Variants in RLF observed in about 807,000 individuals in gnomAD.
RLF encodes RLF zinc finger, also known as zinc finger protein Rlf.
In RLF, 7 loss-of-function variants were observed where a neutral mutation model predicts 162.9. The ratio of observed to expected loss-of-function variants is 0.04; its 90% confidence interval spans 0.02 to 0.08. The LOEUF (loss-of-function observed/expected upper bound fraction) is 0.08. RLF is among the 10% of genes least tolerant of loss of function. The pLI is 1.00. For missense variants in RLF, 1,664 were observed against 2,244.7 expected (o/e 0.74, Z 5.23); for synonymous variants, 782 against 791.5 (o/e 0.99, Z 0.20).
chr1:40,213,343 A>G (rs928002641), intron 5 of RLF, among the ~76,000 whole-genome samples: 5 of 152,208 alleles, frequency 3.3e-5, no homozygotes, highest in African/African-American at 1.2e-4. Context: ...TCGATCAGAC[A>G]TATTGTCAAG....
chr1:40,196,481 G>A (rs797000946), intron 4 of RLF, among the ~76,000 whole-genome samples: 2 of 151,890 alleles, frequency 1.3e-5, no homozygotes, highest in African/African-American at 2.4e-5. Flanking sequence ...GAGATGCAAA[G>A]AATGAAGTTT....
At chr1:40,218,510 C>T (rs911505796) in intron 5 of RLF, among the ~76,000 whole-genome samples, 6 of 152,312 alleles carry the variant, frequency 3.9e-5, no homozygotes, top group Admixed American at 1.3e-4. Context: ...CGTGACATCA[C>T]GCATTGCCGT....
chr1:40,202,439 C>G lies in RLF; in HGVS notation c.635C>G (p.Pro212Arg). Reference protein sequence around the residue: ...EVNKLIAQEGPSFLQMRIKHL... With the variant: ...EVNKLIAQEGRSFLQMRIKHL... ...AATAAATTGATTGCACAAGAAGGAC[C>G]TTCCTTTCTGCAAATGCGAATAAAA... is the stretch of plus-strand genomic sequence containing the variant. Residue 212 changes from proline to arginine, a missense_variant, in exon 5 of 8, where the codon CCT becomes CGT. Transcript: ENST00000372771. The G allele has an allele frequency of 6.3e-7, 1 of 1,575,208 alleles. No individual in the cohort carries two copies. Among genetic ancestry groups the G allele is most frequent in the Non-Finnish European group, 8.6e-7 (1 of 1,167,904 alleles).
chr1:40,172,361 A>G (rs959709645), intron 1 of RLF, among the ~76,000 whole-genome samples: 1 of 152,196 alleles, frequency 6.6e-6, no homozygotes, highest in Admixed American at 6.5e-5. Flanking sequence ...ACCCTTTATG[A>G]GTACATTTGG....
At chr1:40,231,700 A>G in intron 7 of RLF, 42 bp downstream of exon 7, 1 of 1,546,960 alleles carries the variant, frequency 6.5e-7, no homozygotes, top group Non-Finnish European at 8.8e-7. Context: ...AGCTGGAGGA[A>G]AGAAATGAGT....
chr1:40,167,087 T>C (rs984714452), intron 1 of RLF, among the ~76,000 whole-genome samples: 3 of 152,234 alleles, frequency 2.0e-5, no homozygotes, highest in Admixed American at 2.0e-4. Context: ...AATCTAAGCC[T>C]ACATTCATAT....
At chr1:40,231,959 G>C (rs181683967) in intron 7 of RLF, among the ~76,000 whole-genome samples, 1 of 152,344 alleles carries the variant, frequency 6.6e-6, no homozygotes, top group East Asian at 1.9e-4. Flanking sequence ...TGTAATCCCA[G>C]CACTTTGGGA....
At chr1:40,200,297 A>G (rs1262162741) in intron 4 of RLF, among the ~76,000 whole-genome samples, 5 of 152,234 alleles carry the variant, frequency 3.3e-5, no homozygotes, top group Non-Finnish European at 7.3e-5. Flanking sequence ...GCAGTTTGGC[A>G]GTATGAGTCA....
chr1:40,187,819 G>T (rs1642502083), intron 1 of RLF, among the ~76,000 whole-genome samples: 1 of 152,140 alleles, frequency 6.6e-6, no homozygotes, highest in Middle Eastern at 3.2e-3. Context: ...AAATCCAGCA[G>T]AATCCTGCGC....
In RLF at chr1:40,240,372, A is replaced by G. The variant is rs781359799; in HGVS notation, c.5670A>G (p.Arg1890=). 17 of 1,614,176 alleles carry G rather than the reference A, an allele frequency of 1.1e-5. No individual in the cohort carries two copies. The highest frequency in any genetic ancestry group is 1.4e-5 in the Non-Finnish European group (17 of 1,180,024). The change falls in exon 8 of 8, where the codon AGA becomes AGG. Residue 1890 remains arginine, a synonymous_variant. Transcript: ENST00000372771. ...HYLRPVVVLE[R]SKFSTPILDL... is the part of the protein sequence containing the mutation. ...TTCGGCCAGTGGTGGTTCTTGAAAG[A>G]TCTAAGTTTTCCACACCAATTTTAG...
In RLF at chr1:40,236,124, T is replaced by G. The variant is rs1487311889; in HGVS notation, c.1422T>G (p.Thr474=). Residue 474 remains threonine, a synonymous_variant, in exon 8 of 8, where the codon ACT becomes ACG. Transcript: ENST00000372771. The surrounding 1 kb of genome is among the most constrained non-coding windows in gnomAD (Gnocchi z 7.7). Reference sequence around the variant, plus strand: ...ATCCTGAGTTTTGGGACTGGAAAACTTTAAAACGACACTGCCACCAACTTT... The same window carrying G: ...ATCCTGAGTTTTGGGACTGGAAAACGTTAAAACGACACTGCCACCAACTTT... ...PFDPEFWDWK[T]LKRHCHQLLG... 6.2e-7 allele frequency: 1 copy of G among 1,614,134 alleles called. No individual in the cohort carries two copies. The highest frequency in any genetic ancestry group is 1.3e-5 in the African/African-American group (1 of 75,056).
chr1:40,175,198 G>A (rs186424217), intron 1 of RLF, among the ~76,000 whole-genome samples: 17 of 141,590 alleles, frequency 1.2e-4, no homozygotes, highest in African/African-American at 4.3e-4. Context: ...TTCTGTTATG[G>A]TGGGGGTGGG....
intron 6 of RLF, among the ~76,000 whole-genome samples, chr1:40,229,642 A>G (rs370634204): frequency 1.3e-5 from 2 of 150,678 alleles, no homozygotes; most frequent in East Asian, 2.0e-4. Context: ...TTTAGTAGAG[A>G]CGGGGTTTCA....
chr1:40,227,715 A>G (rs1161441333), intron 6 of RLF, among the ~76,000 whole-genome samples: 7 of 152,188 alleles, frequency 4.6e-5, no homozygotes, highest in Non-Finnish European at 1.0e-4. Flanking sequence ...TTTAAAAATT[A>G]TTTGAGTGGC....
intron 5 of RLF, among the ~76,000 whole-genome samples, chr1:40,207,911 C>G (rs979936491): frequency 1.3e-5 from 2 of 152,022 alleles, no homozygotes; most frequent in African/African-American, 4.8e-5. Flanking sequence ...ACGCCTGGCC[C>G]CTTGTTGAAA....
chr1:40,209,153 GC>G (rs911456775), intron 5 of RLF, among the ~76,000 whole-genome samples: 14 of 152,158 alleles, frequency 9.2e-5, no homozygotes, highest in African/African-American at 3.4e-4. Context: ...CTTGTGGGTG[GC>G]TCATTACTGG....
chr1:40,202,668 T>A, intron 5 of RLF, 54 bp downstream of exon 5: 1 of 1,037,764 alleles, frequency 9.6e-7, no homozygotes, highest in Non-Finnish European at 1.4e-6. Context: ...TAGATTTATA[T>A]ATATATTGCA....
chr1:40,222,489 C>T (rs1643012847), intron 5 of RLF, 85 bp from the exon 6 acceptor site: 3 of 1,336,100 alleles, frequency 2.2e-6, no homozygotes, highest in African/African-American at 2.9e-5. Flanking sequence ...TAATTTTTGC[C>T]TCATTAAGAA....
chr1:40,196,420 GT>G (rs966332922), intron 4 of RLF, among the ~76,000 whole-genome samples: 4 of 151,776 alleles, frequency 2.6e-5, no homozygotes, highest in Admixed American at 6.6e-5. Context: ...CATGAAAAAA[GT>G]TTTTTTTATT....
Sources: gnomAD v4.1 joint callset for allele counts (sites outside exome capture counted in the v4.1 genomes callset) on GRCh38, gnomAD v4.1.1 for gene constraint, Gnocchi (gnomAD v3.1) non-coding constraint, MANE v1.5 for transcripts, NCBI Gene and HGNC (gene_info 2026-07-23, HGNC 2026-07-21) for gene names.